Variants in TMEM132C observed in about 807,000 individuals in gnomAD.
TMEM132C encodes transmembrane protein 132C.
In TMEM132C, 29 loss-of-function variants were observed where a neutral mutation model predicts 61.4. The ratio of observed to expected loss-of-function variants is 0.47; its 90% CI spans 0.35 to 0.64. TMEM132C has a LOEUF of 0.64. Ranked by LOEUF, TMEM132C falls within the 30% of genes least tolerant of loss-of-function variation. TMEM132C has a pLI of 0.00. For synonymous variants in TMEM132C, 656 were observed against 633.1 expected (o/e 1.04, Z -0.54); for missense variants, 1,408 against 1,476.9 (o/e 0.95, Z 0.76).
At chr12:128,472,721 T>A (rs1870993276) in intron 2 of TMEM132C, among the ~76,000 whole-genome samples, 1 of 152,214 alleles carries the variant, frequency 6.6e-6, no homozygotes, top group Admixed American at 6.5e-5. Flanking sequence ...ACCTCAAACA[T>A]CTGGGGGTCA....
intron 3 of TMEM132C, among the ~76,000 whole-genome samples, chr12:128,558,049 A>G (rs1238218928): frequency 6.6e-6 from 1 of 152,206 alleles, no homozygotes; most frequent in Non-Finnish European, 1.5e-5. Context: ...ATGAGATGAT[A>G]AGTAATAATA....
chr12:128,626,891 C>T (rs1203415586), intron 4 of TMEM132C, among the ~76,000 whole-genome samples: 1 of 152,224 alleles, frequency 6.6e-6, no homozygotes, highest in African/African-American at 2.4e-5. Context: ...ATAGCTCAGG[C>T]CTGCTGCATA....
intron 2 of TMEM132C, among the ~76,000 whole-genome samples, chr12:128,487,771 A>G (rs1324038267): frequency 6.6e-6 from 1 of 152,036 alleles, no homozygotes; most frequent in African/African-American, 2.4e-5. Context: ...GCCCCTTCAT[A>G]GTCAAGGAAC....
intron 1 of TMEM132C, among the ~76,000 whole-genome samples, chr12:128,319,900 G>A (rs929318680): frequency 2.6e-5 from 4 of 151,994 alleles, no homozygotes; most frequent in African/African-American, 7.2e-5. Flanking sequence ...GAACAGACGC[G>A]GGATGATCTA....
chr12:128,379,807 G>T (rs1226160446), intron 1 of TMEM132C, among the ~76,000 whole-genome samples: 1 of 152,168 alleles, frequency 6.6e-6, no homozygotes, highest in Non-Finnish European at 1.5e-5. Context: ...ATGGACATAT[G>T]CTTTTAGCGA....
chr12:128,509,001 A>G (rs1872481715), intron 2 of TMEM132C, among the ~76,000 whole-genome samples: 1 of 152,172 alleles, frequency 6.6e-6, no homozygotes, highest in African/African-American at 2.4e-5. Flanking sequence ...TCCAGGCCCC[A>G]GTGTCCTGCC....
At chr12:128,404,495 T>C (rs1339090769) in intron 1 of TMEM132C, 1 of 152,254 alleles carries the variant, frequency 6.6e-6, no homozygotes, top group African/African-American at 2.4e-5. Context: ...GAACATCAAC[T>C]GTAAAGAATC....
At chr12:128,553,357 A>G (rs1185906838) in intron 3 of TMEM132C, among the ~76,000 whole-genome samples, 2 of 152,200 alleles carry the variant, frequency 1.3e-5, no homozygotes, top group Non-Finnish European at 2.9e-5. Flanking sequence ...TTTTGTAATC[A>G]TAAAAACATA....
intron 1 of TMEM132C, among the ~76,000 whole-genome samples, chr12:128,311,973 C>T (rs114258074): frequency 1.1e-4 from 16 of 152,158 alleles, no homozygotes; most frequent in African/African-American, 3.1e-4. Context: ...TGCTGAGTGG[C>T]GACAGAAACC....
chr12:128,653,255 T>C (rs1022824433), intron 4 of TMEM132C, among the ~76,000 whole-genome samples: 4 of 77,548 alleles, frequency 5.2e-5, no homozygotes, highest in Non-Finnish European at 1.1e-4. Flanking sequence ...TAGTGGTTGC[T>C]GGGGGCTGGG....
chr12:128,409,382 C>CA (rs1314153044), intron 1 of TMEM132C, among the ~76,000 whole-genome samples: 1 of 152,086 alleles, frequency 6.6e-6, no homozygotes, highest in Non-Finnish European at 1.5e-5. Context: ...TCAGGAATCT[C>CA]AAACTCAAAA....
intron 1 of TMEM132C, among the ~76,000 whole-genome samples, chr12:128,354,253 T>C (rs1219193059): frequency 6.6e-6 from 1 of 152,064 alleles, no homozygotes; most frequent in East Asian, 1.9e-4. Context: ...CTGATGACCC[T>C]GTACCCTTCC....
intron 8 of TMEM132C, among the ~76,000 whole-genome samples, chr12:128,700,483 T>TG (rs1954796272): frequency 6.6e-6 from 1 of 152,174 alleles, no homozygotes; most frequent in South Asian, 2.1e-4. Flanking sequence ...GGCTTTTTTA[T>TG]GTTAACTTCT....
chr12:128,542,003 C>T (rs1461802600), intron 2 of TMEM132C, among the ~76,000 whole-genome samples: 1 of 152,232 alleles, frequency 6.6e-6, no homozygotes. Flanking sequence ...GAAGTCCTGG[C>T]ATCACCTGGG....
At chr12:128,537,527 A>C (rs1005347710) in intron 2 of TMEM132C, among the ~76,000 whole-genome samples, 1 of 152,174 alleles carries the variant, frequency 6.6e-6, no homozygotes, top group African/African-American at 2.4e-5. Flanking sequence ...TATTTCTTGC[A>C]TGTAATTTAG....
At chr12:128,454,485 C>A (rs1383392595) in intron 2 of TMEM132C, among the ~76,000 whole-genome samples, 1 of 152,170 alleles carries the variant, frequency 6.6e-6, no homozygotes, top group Non-Finnish European at 1.5e-5. Flanking sequence ...ACAAATTACT[C>A]AGAAATATAG....
intron 3 of TMEM132C, among the ~76,000 whole-genome samples, chr12:128,587,045 G>A (rs564924575): frequency 5.1e-4 from 77 of 152,374 alleles, no homozygotes; most frequent in African/African-American, 1.8e-3. Context: ...AGAATGGAAA[G>A]GGAATTGCCC....
At chr12:128,627,680 T>A (rs1954028703) in intron 4 of TMEM132C, among the ~76,000 whole-genome samples, 1 of 152,164 alleles carries the variant, frequency 6.6e-6, no homozygotes, top group South Asian at 2.1e-4. Flanking sequence ...AAAGCCCCTG[T>A]GAGCCCTGGG....
At chr12:128,420,998 G>A (rs1868967850) in intron 2 of TMEM132C, among the ~76,000 whole-genome samples, 1 of 152,208 alleles carries the variant, frequency 6.6e-6, no homozygotes, top group Non-Finnish European at 1.5e-5. Flanking sequence ...AACCAACACT[G>A]TATTTTTTCA....
Sources: allele counts gnomAD v4.1 joint callset (sites outside exome capture counted in the v4.1 genomes callset), GRCh38; gene constraint gnomAD v4.1.1; transcripts MANE v1.5; gene names NCBI Gene and HGNC (gene_info 2026-07-23, HGNC 2026-07-21).